Variants in SNTG1 observed in about 807,000 individuals in gnomAD.
The protein encoded by SNTG1 is gamma-1-syntrophin.
SNTG1 carries 39 observed loss-of-function variants against 74.7 expected under a neutral mutation model. The observed-to-expected ratio is 0.52, with a 90% CI of 0.40 to 0.68. The LOEUF is 0.68. SNTG1 is among the 30% of genes least tolerant of loss of function. SNTG1 has a pLI of 0.00. For synonymous variants in SNTG1, 254 were observed against 217.1 expected (o/e 1.17, Z -1.49); for missense variants, 685 against 609.5 (o/e 1.12, Z -1.30).
At chr8:50,143,102 A>T (rs551791817) in intron 1 of SNTG1, among the ~76,000 whole-genome samples, 16 of 151,994 alleles carry the variant, frequency 1.1e-4, no homozygotes, top group African/African-American at 3.9e-4. Flanking sequence ...AATAAATAAA[A>T]ATAAAAAATA....
At chr8:50,753,572 A>G (rs993722671) in intron 18 of SNTG1, among the ~76,000 whole-genome samples, 14 of 151,922 alleles carry the variant, frequency 9.2e-5, no homozygotes, top group African/African-American at 3.4e-4. Flanking sequence ...GCTACTAACT[A>G]TGGTATTTAG....
At chr8:50,529,830 T>C (rs992067628) in intron 9 of SNTG1, among the ~76,000 whole-genome samples, 1 of 151,576 alleles carries the variant, frequency 6.6e-6, no homozygotes, top group African/African-American at 2.4e-5. Flanking sequence ...TAGAACTCTG[T>C]AGACAACCAA....
chr8:50,630,899 C>A (rs1054186231), intron 13 of SNTG1, among the ~76,000 whole-genome samples: 1 of 152,188 alleles, frequency 6.6e-6, no homozygotes, highest in African/African-American at 2.4e-5. Context: ...GCCAAAGACT[C>A]TCCAAAAGTC....
Position 50,244,225 on chromosome 8 carries a change from C to T in SNTG1, c.-28+71590C>T, listed in dbSNP as rs188722469. Reference sequence around the variant, plus strand: ...CCCACTCGCTATCATGAGGACAGCACCAAGCCATGAGAAATCCACTCCCGT... The same window carrying T: ...CCCACTCGCTATCATGAGGACAGCATCAAGCCATGAGAAATCCACTCCCGT... On this transcript the variant is annotated intron_variant, in intron 2 of 18. Coordinates refer to ENST00000642720, the MANE Select transcript of SNTG1 (RefSeq NM_018967.5). Among the ~76,000 whole-genome samples, 75 of 152,156 alleles carry T rather than the reference C, an allele frequency of 4.9e-4. 1 individual carries two copies. The East Asian group carries it at 0.011, about 23-fold the overall frequency.
intron 1 of SNTG1, among the ~76,000 whole-genome samples, chr8:50,120,879 C>T (rs1172312459): frequency 2.8e-5 from 4 of 141,648 alleles, no homozygotes; most frequent in African/African-American, 1.0e-4. Flanking sequence ...AGTCATGTAG[C>T]CGTGGAATGA....
At chr8:50,196,998 G>C (rs1048357230) in intron 2 of SNTG1, among the ~76,000 whole-genome samples, 1 of 151,488 alleles carries the variant, frequency 6.6e-6, no homozygotes, top group African/African-American at 2.4e-5. Context: ...AAGAAAGAAA[G>C]AAAAATTGAA....
At chr8:50,272,459 A>G (rs534664206) in intron 2 of SNTG1, among the ~76,000 whole-genome samples, 1 of 152,314 alleles carries the variant, frequency 6.6e-6, no homozygotes, top group African/African-American at 2.4e-5. Context: ...TTGTGCCATA[A>G]CAAAGAGACC....
chr8:50,429,218 G>A (rs2093203057), intron 4 of SNTG1, among the ~76,000 whole-genome samples: 1 of 151,790 alleles, frequency 6.6e-6, no homozygotes, highest in African/African-American at 2.4e-5. Context: ...AGAGTTTGAG[G>A]GTTCATATTT....
intron 1 of SNTG1, among the ~76,000 whole-genome samples, chr8:50,033,101 A>C (rs1017316137): frequency 1.3e-5 from 2 of 151,914 alleles, no homozygotes; most frequent in African/African-American, 4.8e-5. Context: ...AGTGCTAAGG[A>C]ACTATGCAAT....
In SNTG1 at chr8:49,991,507, G is replaced by A. The variant is rs79845719; in HGVS notation, c.-103+79276G>A. The stretch of plus-strand genomic sequence containing the variant: ...AACGTGTACAATATTATTCATAATA[G>A]CCAGAGGGTGAAAATAACCTAAATA... On this transcript the variant is annotated intron_variant, in intron 1 of 18. Transcript: ENST00000642720. Among the ~76,000 whole-genome samples, 1,227 of 152,250 alleles carry A rather than the reference G, an allele frequency of 8.1e-3. 18 individuals are homozygous for A. Among genetic ancestry groups the A allele is most frequent in the African/African-American group, 0.028 (1,176 of 41,556 alleles).
intron 10 of SNTG1, among the ~76,000 whole-genome samples, chr8:50,535,782 T>C (rs1168006345): frequency 6.6e-6 from 1 of 152,032 alleles, no homozygotes; most frequent in Non-Finnish European, 1.5e-5. Flanking sequence ...CTTCACAGAG[T>C]TTCAATATCT....
rs76178114 is a variant in SNTG1 at position 50,504,837 on chromosome 8, T to C, written c.466+1957T>C. On this transcript the variant is annotated intron_variant, in intron 9 of 18. Transcript: ENST00000642720. Reference sequence around the variant, plus strand: ...ATTTCCAAAGTGAGCATGTTATTTATTGTGGTAAATAACACATAACATAAA... The same window carrying C: ...ATTTCCAAAGTGAGCATGTTATTTACTGTGGTAAATAACACATAACATAAA... Among the ~76,000 whole-genome samples, 74 of 152,312 alleles carry C rather than the reference T, an allele frequency of 4.9e-4. 1 individual carries two copies. The East Asian group carries it at 0.011, about 22-fold the overall frequency.
At chr8:50,315,420 T>C (rs1367141788) in intron 2 of SNTG1, among the ~76,000 whole-genome samples, 1 of 149,948 alleles carries the variant, frequency 6.7e-6, no homozygotes, top group African/African-American at 2.5e-5. Flanking sequence ...ACAAATTATA[T>C]AGTGTATAGT....
chr8:50,460,423 A>T (rs1313398765), intron 8 of SNTG1, among the ~76,000 whole-genome samples: 1 of 152,084 alleles, frequency 6.6e-6, no homozygotes, highest in Admixed American at 6.6e-5. Flanking sequence ...ATTTTCTCCC[A>T]TTCCGTAGGT....
At chr8:49,968,231 T>C (rs1209467308) in intron 1 of SNTG1, among the ~76,000 whole-genome samples, 4 of 152,304 alleles carry the variant, frequency 2.6e-5, no homozygotes, top group African/African-American at 9.6e-5. Flanking sequence ...TCATTGAATC[T>C]GATGATTTAA....
At chr8:50,256,723 A>T (rs1300566656) in intron 2 of SNTG1, among the ~76,000 whole-genome samples, 2 of 152,132 alleles carry the variant, frequency 1.3e-5, no homozygotes, top group Admixed American at 6.5e-5. Flanking sequence ...TTTTTAAGAA[A>T]TCAATGGACA....
chr8:50,726,622 G>A (rs1470664878), intron 17 of SNTG1, among the ~76,000 whole-genome samples: 1 of 152,174 alleles, frequency 6.6e-6, no homozygotes, highest in Non-Finnish European at 1.5e-5. Context: ...GGCCGAGGCA[G>A]GTGGATCACA....
intron 2 of SNTG1, among the ~76,000 whole-genome samples, chr8:50,384,899 G>A (rs2092549910): frequency 6.6e-6 from 1 of 152,056 alleles, no homozygotes; most frequent in African/African-American, 2.4e-5. Flanking sequence ...TTGGTCTATT[G>A]GATGATACCC....
At chr8:49,912,301 T>G in intron 1 of SNTG1, 70 bp downstream of exon 1, 1 of 152,206 alleles carries the variant, frequency 6.6e-6, no homozygotes, top group East Asian at 1.9e-4. Context: ...AACAGAAAGA[T>G]CATAAGCAGT....
Sources: allele counts gnomAD v4.1 joint callset (sites outside exome capture counted in the v4.1 genomes callset), GRCh38; gene constraint gnomAD v4.1.1; transcripts MANE v1.5; gene names NCBI Gene and HGNC (gene_info 2026-07-23, HGNC 2026-07-21).